Variants in FGGY observed in about 807,000 individuals in gnomAD.
FGGY encodes the protein FGGY carbohydrate kinase domain-containing protein.
A neutral mutation model predicts 71.3 loss-of-function variants in FGGY; 72 were observed. The observed-to-expected ratio is 1.01, with a 90% confidence interval of 0.84 to 1.23. FGGY has a LOEUF of 1.23. Among genes scored for constraint, FGGY ranks in the 50% most tolerant of loss-of-function variants. FGGY has a pLI of 0.00. For missense variants in FGGY, 668 were observed against 682.3 expected, an observed-to-expected ratio of 0.98 and a Z score of 0.23; for synonymous variants, 251 against 250.3, an observed-to-expected ratio of 1.00 and a Z score of -0.02.
intron 4 of FGGY, among the ~76,000 whole-genome samples, chr1:59,347,428 T>G (rs2052295249): frequency 6.6e-6 from 1 of 152,192 alleles, no homozygotes; most frequent in Non-Finnish European, 1.5e-5. Context: ...ACGTGTGAAC[T>G]CATCATTTTT....
chr1:59,436,914 G>A (rs1429167382), intron 5 of FGGY, among the ~76,000 whole-genome samples: 1 of 152,192 alleles, frequency 6.6e-6, no homozygotes, highest in Admixed American at 6.5e-5. Context: ...AAGGTCAGGA[G>A]GTGGGTGTTT....
intron 8 of FGGY, among the ~76,000 whole-genome samples, chr1:59,568,978 GA>G (rs1224427658): frequency 2.0e-5 from 3 of 151,370 alleles, no homozygotes; most frequent in East Asian, 1.9e-4. Context: ...ATTTACAAAA[GA>G]AAAAAATACT....
Position 59,365,546 on chromosome 1 carries a change from G to A in FGGY, c.466-13203G>A, listed in dbSNP as rs75962492. Among the ~76,000 whole-genome samples the A allele has an allele frequency of 3.0e-3, 461 of 152,300 alleles. 4 individuals carry two copies. Among genetic ancestry groups the A allele is most frequent in the African/African-American group, 0.01 (423 of 41,568 alleles). ...CTCCTCCAGTAAGAAATGCACTTCT[G>A]CATTATATTATGTTTTAGAGAGGCA... On this transcript the variant is annotated intron_variant, in intron 4 of 15. Transcript: ENST00000303721.
chr1:59,590,851 T>G (rs1571787883), intron 8 of FGGY, among the ~76,000 whole-genome samples: 1 of 152,094 alleles, frequency 6.6e-6, no homozygotes, highest in African/African-American at 2.4e-5. Context: ...GGGCAAAAAC[T>G]GGAAGCATTC....
chr1:59,758,217 ACCAATGTTCTTTTTC>A (rs914788434), intron 15 of FGGY, among the ~76,000 whole-genome samples: 1 of 152,192 alleles, frequency 6.6e-6, no homozygotes, highest in Non-Finnish European at 1.5e-5. Context: ...GAACTCTCAG[ACCAATGTTCTTTTTC>A]CCAGGTAATT....
intron 5 of FGGY, among the ~76,000 whole-genome samples, chr1:59,381,390 G>A (rs570196334): frequency 6.6e-6 from 1 of 152,210 alleles, no homozygotes; most frequent in African/African-American, 2.4e-5. Flanking sequence ...GGGCGGTATG[G>A]CCATTTTCAC....
intron 14 of FGGY, among the ~76,000 whole-genome samples, chr1:59,730,754 G>A (rs2098016565): frequency 6.6e-6 from 1 of 152,174 alleles, no homozygotes. Context: ...GGGAGGTAGA[G>A]GTAAAGCATT....
intron 1 of FGGY, among the ~76,000 whole-genome samples, chr1:59,306,901 A>T (rs2043516927): frequency 6.6e-6 from 1 of 152,240 alleles, no homozygotes; most frequent in Non-Finnish European, 1.5e-5. Context: ...ATTGCAGATT[A>T]TGCTGAGAGC....
chr1:59,585,319 G>C (rs924448757), intron 8 of FGGY, among the ~76,000 whole-genome samples: 1 of 152,156 alleles, frequency 6.6e-6, no homozygotes, highest in African/African-American at 2.4e-5. Flanking sequence ...TACCAAAACA[G>C]AGATGCAGAC....
In FGGY at chr1:59,736,271, A is replaced by G. The variant is rs1359322193; in HGVS notation, c.1513-21660A>G. The stretch of plus-strand genomic sequence containing the variant: ...GGGATATGTCTTTATCAGCAGCGTG[A>G]AAATAGACTAATATAGTAAATTGGC... On this transcript the variant is annotated intron_variant, in intron 14 of 15. Coordinates refer to ENST00000303721, the MANE Select transcript of FGGY (RefSeq NM_018291.5). Among the ~76,000 whole-genome samples, 3 of 152,160 alleles carry G rather than the reference A, an allele frequency of 2.0e-5. No homozygotes were observed. In the East Asian group the frequency reaches 5.8e-4, roughly 29 times the overall value.
At chr1:59,627,129 T>C (rs2096864366) in intron 10 of FGGY, among the ~76,000 whole-genome samples, 1 of 151,464 alleles carries the variant, frequency 6.6e-6, no homozygotes. Flanking sequence ...CAGTAAAAAC[T>C]GAACCTACTG....
At chr1:59,522,749 G>C (rs919815847) in intron 7 of FGGY, among the ~76,000 whole-genome samples, 1 of 152,170 alleles carries the variant, frequency 6.6e-6, no homozygotes, top group South Asian at 2.1e-4. Context: ...CTTCGAGGAG[G>C]TGAAGGGATT....
intron 9 of FGGY, among the ~76,000 whole-genome samples, chr1:59,612,913 A>G (rs1425872742): frequency 6.6e-6 from 1 of 152,246 alleles, no homozygotes; most frequent in Non-Finnish European, 1.5e-5. Flanking sequence ...CCATTACATA[A>G]TGGTAAAGGG....
chr1:59,726,540 A>G (rs923073761), intron 14 of FGGY, among the ~76,000 whole-genome samples: 2 of 152,166 alleles, frequency 1.3e-5, no homozygotes, highest in Non-Finnish European at 2.9e-5. Flanking sequence ...ATTCACTAGT[A>G]AAAACCATTT....
At chr1:59,535,823 A>G (rs1374536908) in intron 7 of FGGY, among the ~76,000 whole-genome samples, 1 of 149,462 alleles carries the variant, frequency 6.7e-6, no homozygotes, top group Non-Finnish European at 1.5e-5. Context: ...TCTGGGATGC[A>G]TTCAAAGCAG....
intron 14 of FGGY, among the ~76,000 whole-genome samples, chr1:59,699,908 C>G (rs1467595522): frequency 6.6e-6 from 1 of 152,152 alleles, no homozygotes; most frequent in Non-Finnish European, 1.5e-5. Context: ...GTTCAATATT[C>G]TATATCCATA....
At chr1:59,578,598 T>C (rs2096127360) in intron 8 of FGGY, among the ~76,000 whole-genome samples, 1 of 152,112 alleles carries the variant, frequency 6.6e-6, no homozygotes, top group African/African-American at 2.4e-5. Flanking sequence ...TGTACATATT[T>C]ACTGCTAGAA....
At chr1:59,624,773 G>A (rs566274592) in intron 9 of FGGY, among the ~76,000 whole-genome samples, 10 of 152,198 alleles carry the variant, frequency 6.6e-5, no homozygotes, top group South Asian at 2.1e-4. Context: ...GGGAAACTGC[G>A]CCCATGATTC....
chr1:59,522,854 A>G (rs1266388828), intron 7 of FGGY, among the ~76,000 whole-genome samples: 1 of 152,198 alleles, frequency 6.6e-6, no homozygotes, highest in African/African-American at 2.4e-5. Flanking sequence ...CAACCCTTGC[A>G]TCAAACAATG....
Sources: gnomAD v4.1 joint callset for allele counts (sites outside exome capture counted in the v4.1 genomes callset) on GRCh38, gnomAD v4.1.1 for gene constraint, MANE v1.5 for transcripts, NCBI Gene and HGNC (gene_info 2026-07-23, HGNC 2026-07-21) for gene names.